TGFBR2: variants seen among roughly 807,000 people sequenced by gnomAD.
The protein encoded by TGFBR2 is TGF-beta receptor type-2.
TGFBR2 carries 18 observed loss-of-function variants against 49.0 expected under a neutral mutation model. That is an observed-to-expected ratio of 0.37 (90% CI 0.25 to 0.54). The LOEUF (loss-of-function observed/expected upper bound fraction) is 0.54, where lower values mean the gene tolerates loss of function less well. Ranked by LOEUF, TGFBR2 falls within the 20% of genes least tolerant of loss-of-function variation. The pLI is 0.85. For missense variants in TGFBR2, 525 were observed against 722.6 expected (o/e 0.73, Z 3.13); for synonymous variants, 282 against 275.9 (o/e 1.02, Z -0.22).
At position 30,646,167 on chromosome 3, in the gene TGFBR2, T is replaced by C. The variant is rs913240488; in HGVS notation, c.263+1252T>C. On this transcript the variant is annotated intron_variant, in intron 2 of 6. Transcript: ENST00000295754. ...TGAGTCATTTGAGACCCCTAGACCA[T>C]GTAAAGCTAGCCTTGATGATAGATC... 4.6e-5 allele frequency among the ~76,000 whole-genome samples: 7 copies of C among 152,270 alleles called. No homozygotes were observed. The South Asian group carries it at 6.2e-4, about 14-fold the overall frequency.
At position 30,663,981 on chromosome 3, in the gene TGFBR2, G is replaced by C. The variant is rs1300911034; in HGVS notation, c.455-7657G>C. ...AGGAAGAGAGGGCTAACTTTTTTGG[G>C]GGGGGGAGTTGGGGGGGCAGGGGGA... is the stretch of plus-strand genomic sequence containing the variant. On this transcript the variant is annotated intron_variant, in intron 3 of 6. Coordinates refer to ENST00000295754, the MANE Select transcript of TGFBR2 (RefSeq NM_003242.6). 3.3e-3 allele frequency among the ~76,000 whole-genome samples: 467 copies of C among 143,018 alleles called. 3 individuals are homozygous for C. Among genetic ancestry groups the C allele is most frequent in the African/African-American group, 0.011 (430 of 39,396 alleles). The allele number at this position is 143,018 out of a possible 152,430, so 93.8% of individuals were successfully genotyped here.
chr3:30,661,508 G>A (rs765068043), intron 3 of TGFBR2: 9 of 480,226 alleles, frequency 1.9e-5, no homozygotes, highest in Non-Finnish European at 8.3e-6. Context: ...GGCCTGAAAT[G>A]ACCAATTTTC....
chr3:30,607,813 T>TTA lies in TGFBR2; in HGVS notation c.94+847_94+848dup, dbSNP rs1399388276. ...AAAAATAAAAAAATATATATATATA[T>TTA]TATATATATATAAATATATATATAA... On this transcript the variant is annotated intron_variant, in intron 1 of 6. Coordinates refer to ENST00000295754, the MANE Select transcript of TGFBR2 (RefSeq NM_003242.6). Among the ~76,000 whole-genome samples, 47 of 137,774 alleles carry TTA rather than the reference T, an allele frequency of 3.4e-4. 2 individuals are homozygous for TTA. The highest frequency in any genetic ancestry group is 1.2e-3 in the Admixed American group (17 of 14,044). The allele number at this position is 137,774 out of a possible 152,430, so 90.4% of individuals were successfully genotyped here.
intron 3 of TGFBR2, among the ~76,000 whole-genome samples, chr3:30,666,536 G>C (rs968538522): frequency 6.6e-6 from 1 of 152,144 alleles, no homozygotes; most frequent in Admixed American, 6.5e-5. Context: ...TCGGTGGATG[G>C]CTGTAAAATC....
intron 1 of TGFBR2, among the ~76,000 whole-genome samples, chr3:30,631,415 T>C (rs182809702): frequency 6.4e-4 from 97 of 152,230 alleles, no homozygotes; most frequent in African/African-American, 2.1e-3. Flanking sequence ...ACCTTTATGA[T>C]GTTTACTGCA....
At chr3:30,680,200 A>T (rs1335118164) in intron 5 of TGFBR2, among the ~76,000 whole-genome samples, 1 of 140,400 alleles carries the variant, frequency 7.1e-6, no homozygotes, top group African/African-American at 2.7e-5. Flanking sequence ...TACTCTGTGC[A>T]TCCTGGCAGT....
chr3:30,669,571 A>G (rs1189220897), intron 3 of TGFBR2, among the ~76,000 whole-genome samples: 1 of 152,204 alleles, frequency 6.6e-6, no homozygotes, highest in East Asian at 1.9e-4. Flanking sequence ...ACGTTTACAT[A>G]GTGCATGGGG....
rs61296907 is a variant in TGFBR2 at position 30,636,155 on chromosome 3, A to ATGTGTGTGTG, written c.95-8556_95-8547dup. ...AGTTTCAGTGTGAAAATATATATGT[A>ATGTGTGTGTG]TGTGTGTGTGTGTGTGTGTGTGTGT... On this transcript the variant is annotated intron_variant, in intron 1 of 6. Coordinates refer to ENST00000295754, the MANE Select transcript of TGFBR2 (RefSeq NM_003242.6). 7.2e-3 allele frequency among the ~76,000 whole-genome samples: 970 copies of ATGTGTGTGTG among 134,686 alleles called. 1 individual carries two copies. The highest frequency in any genetic ancestry group is 0.018 in the Middle Eastern group (5 of 274). 88.4% of individuals were successfully genotyped at this position (134,686 alleles called of 152,430 possible). A position where few individuals can be genotyped will look rare whatever the true frequency, so the allele number is the denominator to read the frequency against.
At chr3:30,609,364 G>A (rs1697990888) in intron 1 of TGFBR2, among the ~76,000 whole-genome samples, 2 of 152,104 alleles carry the variant, frequency 1.3e-5, no homozygotes, top group Admixed American at 6.6e-5. Flanking sequence ...ATATCTTAAT[G>A]CAAGATAATA....
At chr3:30,615,503 A>G (rs1698114915) in intron 1 of TGFBR2, among the ~76,000 whole-genome samples, 1 of 152,238 alleles carries the variant, frequency 6.6e-6, no homozygotes, top group Admixed American at 6.5e-5. Context: ...TTATTCAAGA[A>G]TAAATTACAA....
At chr3:30,615,626 A>T (rs1336206721) in intron 1 of TGFBR2, among the ~76,000 whole-genome samples, 1 of 152,310 alleles carries the variant, frequency 6.6e-6, no homozygotes, top group African/African-American at 2.4e-5. Flanking sequence ...ACCAAAAAAT[A>T]TAGGAGAATT....
At chr3:30,635,442 A>C (rs900320631) in intron 1 of TGFBR2, among the ~76,000 whole-genome samples, 2 of 152,228 alleles carry the variant, frequency 1.3e-5, no homozygotes, top group Non-Finnish European at 2.9e-5. Flanking sequence ...CAAGAAAACC[A>C]AGTATGCATT....
chr3:30,615,090 C>T (rs1479401520), intron 1 of TGFBR2, among the ~76,000 whole-genome samples: 1 of 152,146 alleles, frequency 6.6e-6, no homozygotes, highest in Non-Finnish European at 1.5e-5. Flanking sequence ...TCAAGTGATA[C>T]AGTCTTGGCT....
At chr3:30,619,983 C>G (rs1036579505) in intron 1 of TGFBR2, among the ~76,000 whole-genome samples, 1 of 152,048 alleles carries the variant, frequency 6.6e-6, no homozygotes, top group Admixed American at 6.5e-5. Context: ...GTCAGGAGAT[C>G]GAGACCATCC....
At chr3:30,640,789 G>A (rs1355038999) in intron 1 of TGFBR2, among the ~76,000 whole-genome samples, 1 of 152,134 alleles carries the variant, frequency 6.6e-6, no homozygotes, top group African/African-American at 2.4e-5. Flanking sequence ...ATAACAATCT[G>A]GATTAAAAGT....
At chr3:30,630,922 C>T (rs1442515268) in intron 1 of TGFBR2, among the ~76,000 whole-genome samples, 2 of 151,904 alleles carry the variant, frequency 1.3e-5, no homozygotes, top group African/African-American at 4.8e-5. Context: ...GCCTCTAGAA[C>T]TGTGAAAAAT....
At chr3:30,674,022 C>T in intron 4 of TGFBR2, 83 bp from the exon 5 acceptor site, 2 of 1,561,434 alleles carry the variant, frequency 1.3e-6, no homozygotes, top group South Asian at 2.2e-5. Context: ...CTGCACGTGT[C>T]AGGGGCCACC....
At chr3:30,669,481 A>G (rs1169873677) in intron 3 of TGFBR2, among the ~76,000 whole-genome samples, 1 of 152,120 alleles carries the variant, frequency 6.6e-6, no homozygotes, top group Non-Finnish European at 1.5e-5. Flanking sequence ...CCAGTGGTGA[A>G]TGTGCTGGAT....
chr3:30,624,011 C>T (rs1051752581), intron 1 of TGFBR2, among the ~76,000 whole-genome samples: 2 of 151,898 alleles, frequency 1.3e-5, no homozygotes, highest in Non-Finnish European at 2.9e-5. Flanking sequence ...GGCATGGTGG[C>T]GGGCGCCTGT....
Sources: gnomAD v4.1 joint callset for allele counts (sites outside exome capture counted in the v4.1 genomes callset) on GRCh38, gnomAD v4.1.1 for gene constraint, MANE v1.5 for transcripts, NCBI Gene and HGNC (gene_info 2026-07-23, HGNC 2026-07-21) for gene names.